Variants in IDO1 observed in about 807,000 individuals in gnomAD.
IDO1 encodes the protein indolamine 2,3 dioxygenase.
IDO1 carries 35 observed loss-of-function variants against 38.8 expected under a neutral mutation model. The observed-to-expected ratio is 0.90, with a 90% CI of 0.69 to 1.20. The LOEUF (loss-of-function observed/expected upper bound fraction) is 1.20, where lower values mean the gene tolerates loss of function less well. Ranked by LOEUF, IDO1 falls within the 50% of genes most tolerant of loss-of-function variation. The pLI is 0.00. For missense variants in IDO1, 509 were observed against 485.1 expected, an observed-to-expected ratio of 1.05 and a Z score of -0.46; for synonymous variants, 171 against 170.0, an observed-to-expected ratio of 1.01 and a Z score of -0.05.
chr8:39,925,491 C>A, intron 9 of IDO1, 120 bp downstream of exon 9: 2 of 1,008,850 alleles, frequency 2.0e-6, no homozygotes, highest in Non-Finnish European at 2.8e-6. Flanking sequence ...TTAGCAGAAT[C>A]AGGCAAGTAG....
rs1198318159 is a variant in IDO1, at chr8:39,913,960, A to G, written c.38A>G (p.Lys13Arg). Reference protein sequence around the residue: ...HAMENSWTISKEYHIDEEVGF... With the variant: ...HAMENSWTISREYHIDEEVGF... ...ATGGAAAACTCCTGGACAATCAGTAAAGAGTACCATATTGATGAAGAAGTG... is the reference window on the plus strand; with the variant it reads ...ATGGAAAACTCCTGGACAATCAGTAGAGAGTACCATATTGATGAAGAAGTG... Residue 13 changes from lysine (K) to arginine (R), a missense_variant, in exon 1 of 10, where the codon AAA (lysine) becomes AGA (arginine). By Grantham distance (26) the Lys-to-Arg change is conservative. Transcript: ENST00000518237. 1 of 1,576,184 alleles carries G rather than the reference A, an allele frequency of 6.3e-7. No individual in the cohort carries two copies. The highest frequency in any genetic ancestry group is 1.9e-5 in the Admixed American group (1 of 53,790).
At chr8:39,914,053 C>A in intron 1 of IDO1, 44 bp downstream of exon 1, 1 of 1,359,412 alleles carries the variant, frequency 7.4e-7, no homozygotes, top group South Asian at 1.2e-5. Flanking sequence ...TTCTTCTTCT[C>A]ATTCCTTACC....
At chr8:39,918,785 CAA>C in intron 3 of IDO1, 28 bp from the exon 4 acceptor site, 2 of 704,224 alleles carry the variant, frequency 2.8e-6, no homozygotes, top group Non-Finnish European at 4.5e-6. Flanking sequence ...ACAACAACAA[CAA>C]AAAACCTAAC....
At chr8:39,920,148 T>G in intron 5 of IDO1, 34 bp downstream of exon 5, 1 of 1,557,908 alleles carries the variant, frequency 6.4e-7, no homozygotes, top group Non-Finnish European at 8.8e-7. Context: ...TTCTAAGAAT[T>G]ATTTGTTACT....
chr8:39,922,450 C>T lies in IDO1; in HGVS notation c.438-102C>T, dbSNP rs923713808. 27 of 756,370 alleles carry T rather than the reference C, an allele frequency of 3.6e-5. No individual in the cohort carries two copies. In the African/African-American group the frequency reaches 3.8e-4, roughly 11 times the overall value. The allele number at this position is 756,370 out of a possible 1,614,324, so 46.9% of individuals were successfully genotyped here. On this transcript the variant is annotated intron_variant, in intron 5 of 9. Coordinates refer to ENST00000518237, the MANE Select transcript of IDO1 (RefSeq NM_002164.6). ...AGATAGTAAGGCCTGCCACACCTCTCTCATAAAATTATGTTGAAACTAAAA... is the reference window on the plus strand; with the variant it reads ...AGATAGTAAGGCCTGCCACACCTCTTTCATAAAATTATGTTGAAACTAAAA...
Position 39,923,459 on chromosome 8 carries a change from T to C in IDO1, c.538-10T>C. On this transcript the variant is annotated splice_polypyrimidine_tract_variant and intron_variant, in intron 6 of 9. Transcript: ENST00000518237. ...ACCTTAAATGTTTGTGTTTTGTTTG[T>C]TTGTTTTAGGTAATTCCTACTGTAT... 2 of 1,446,154 alleles carry C rather than the reference T, an allele frequency of 1.4e-6. No homozygotes were observed. Among genetic ancestry groups the C allele is most frequent in the Middle Eastern group, 1.7e-4 (1 of 5,774 alleles). 89.6% of individuals were successfully genotyped at this position (1,446,154 alleles called of 1,614,324 possible).
Position 39,913,953 on chromosome 8 carries a change from A to C in IDO1, c.31A>C (p.Ile11Leu). The change falls in exon 1 of 10, where the codon ATC becomes CTC. Residue 11 changes from isoleucine (I) to leucine (L), a missense_variant. Ile to Leu is a conservative substitution (Grantham distance 5, BLOSUM62 2). Coordinates refer to ENST00000518237, the MANE Select transcript of IDO1 (RefSeq NM_002164.6). MAHAMENSWT[I>L]SKEYHIDEEV... The stretch of plus-strand genomic sequence containing the variant: ...ACACGCTATGGAAAACTCCTGGACA[A>C]TCAGTAAAGAGTACCATATTGATGA... 6.3e-7 allele frequency: 1 copy of C among 1,575,512 alleles called. No individual in the cohort carries two copies. The highest frequency in any genetic ancestry group is 8.6e-7 in the Non-Finnish European group (1 of 1,160,344).
At chr8:39,922,414 C>T (rs1284643419) in intron 5 of IDO1, 138 bp from the exon 6 acceptor site, 1 of 647,392 alleles carries the variant, frequency 1.5e-6, no homozygotes, top group Non-Finnish European at 2.8e-6. Flanking sequence ...ATATTCCCAA[C>T]TACATAATGG....
At chr8:39,921,345 C>T (rs939513585) in intron 5 of IDO1, among the ~76,000 whole-genome samples, 19 of 151,802 alleles carry the variant, frequency 1.3e-4, no homozygotes, top group African/African-American at 2.4e-4. Context: ...CTCAGCTACT[C>T]GGGAGACTGA....
At chr8:39,927,641 T>C (rs1292786802) in intron 9 of IDO1, among the ~76,000 whole-genome samples, 189 bp from the exon 10 acceptor site, 4 of 151,796 alleles carry the variant, frequency 2.6e-5, no homozygotes, top group Non-Finnish European at 5.9e-5. Flanking sequence ...AAATTAATAA[T>C]ATTTTACAAT....
intron 3 of IDO1, 97 bp downstream of exon 3, chr8:39,918,304 A>G: frequency 1.6e-6 from 2 of 1,269,332 alleles, no homozygotes; most frequent in African/African-American, 1.5e-5. Flanking sequence ...TTATAACTGC[A>G]TCATGCAAAG....
intron 7 of IDO1, 86 bp downstream of exon 7, chr8:39,923,672 C>A: frequency 2.8e-6 from 2 of 709,042 alleles, no homozygotes; most frequent in South Asian, 1.8e-5. Context: ...AAGCAAAAAG[C>A]AACTATCACT....
At position 39,928,005 on chromosome 8, in the gene IDO1, C is replaced by A. The variant is rs1327868365; in HGVS notation, c.1032C>A (p.Ser344Arg). 1 of 1,606,140 alleles carries A rather than the reference C, an allele frequency of 6.2e-7. No individual in the cohort carries two copies. The highest frequency in any genetic ancestry group is 8.5e-7 in the Non-Finnish European group (1 of 1,176,270). ...TGAAAGCTCTGGTCTCCCTGAGGAG[C>A]TACCATCTGCAAATCGTGACTAAGT... ...ACVKALVSLR[S>R]YHLQIVTKYI... is the part of the protein sequence containing the mutation. Residue 344 changes from serine to arginine, a missense_variant, in exon 10 of 10, where the codon AGC (serine) becomes AGA (arginine). Physicochemically the swap from Ser to Arg is moderately radical, Grantham distance 110. Transcript: ENST00000518237.
At position 39,925,289 on chromosome 8, in the gene IDO1, GT is replaced by G. The variant is rs1457868233; in HGVS notation, c.777del (p.Phe259LeufsTer37). 1 of 1,613,406 alleles carries G rather than the reference GT, an allele frequency of 6.2e-7. No homozygotes were observed. The highest frequency in any genetic ancestry group is 1.1e-5 in the South Asian group (1 of 90,990). On this transcript the variant is annotated frameshift_variant, in exon 9 of 10. Transcript: ENST00000518237. LOFTEE classifies it high-confidence loss of function. ...YEGFWEDPKEFAGGSAGQSSV... is the reference protein window; with the variant it reads ...YEGFWEDPKEXAGGSAGQSSV... ...AAGGGTTCTGGGAAGACCCAAAGGA[GT>G]TTGCAGGGGGCAGTGCAGGCCAAAG...
chr8:39,918,788 A>C (rs1022225080), intron 3 of IDO1, 27 bp from the exon 4 acceptor site: 6 of 1,176,968 alleles, frequency 5.1e-6, no homozygotes, highest in East Asian at 2.3e-5. Context: ...ACAACAACAA[A>C]AAACCTAACT....
chr8:39,921,068 A>G (rs1251296505), intron 5 of IDO1, among the ~76,000 whole-genome samples: 2 of 152,240 alleles, frequency 1.3e-5, no homozygotes, highest in Non-Finnish European at 2.9e-5. Context: ...AAGAGTATTC[A>G]TAGCGGAAGA....
rs954214748 is a variant in IDO1 at position 39,918,822 on chromosome 8, C to T, written c.311C>T (p.Pro104Leu). ...CTACTGTATTTTAATCAGGTCTTGC[C>T]AAGAAATATTGCTGTTCCTTACTGC... Reference protein sequence around the residue: ...KGHGDVRKVLPRNIAVPYCQL... With the variant: ...KGHGDVRKVLLRNIAVPYCQL... Residue 104 changes from proline (P) to leucine (L), a missense_variant, in exon 4 of 10, where the codon CCA becomes CTA. By Grantham distance (98) the Pro-to-Leu change is moderately conservative. Transcript: ENST00000518237. 5.0e-6 allele frequency: 8 copies of T among 1,596,522 alleles called. No homozygotes were observed. In the African/African-American group the frequency reaches 1.1e-4, roughly 22 times the overall value.
At chr8:39,925,093 G>C (rs1055951976) in intron 8 of IDO1, 130 bp from the exon 9 acceptor site, 1 of 810,604 alleles carries the variant, frequency 1.2e-6, no homozygotes, top group Non-Finnish European at 1.9e-6. Flanking sequence ...GGGCAAGGGG[G>C]TATGAAAAAA....
rs756356983 is a variant in IDO1 at position 39,918,817 on chromosome 8, C to T, written c.306C>T (p.Val102=). The change falls in exon 4 of 10, where the codon GTC becomes GTT. Residue 102 remains valine, a splice_region_variant and synonymous_variant. Transcript: ENST00000518237. ...CCTAACTACTGTATTTTAATCAGGTCTTGCCAAGAAATATTGCTGTTCCTT... is the reference window on the plus strand; with the variant it reads ...CCTAACTACTGTATTTTAATCAGGTTTTGCCAAGAAATATTGCTGTTCCTT... The part of the protein sequence containing the change: ...WGKGHGDVRK[V]LPRNIAVPYC... The T allele has an allele frequency of 1.3e-6, 2 of 1,557,624 alleles. No homozygotes were observed. The highest frequency in any genetic ancestry group is 1.8e-6 in the Non-Finnish European group (2 of 1,131,968).
Sources: allele counts gnomAD v4.1 joint callset (sites outside exome capture counted in the v4.1 genomes callset), GRCh38; gene constraint gnomAD v4.1.1; transcripts MANE v1.5; gene names NCBI Gene and HGNC (gene_info 2026-07-23, HGNC 2026-07-21).